WWC1: variants seen among roughly 807,000 people sequenced by gnomAD.
WWC1 encodes the protein WW and C2 domain containing 1.
In WWC1, 55 loss-of-function variants were observed where a neutral mutation model predicts 138.4. That is an observed-to-expected ratio of 0.40 (90% CI 0.32 to 0.50). WWC1 has a LOEUF of 0.50. Ranked by LOEUF, WWC1 falls within the 20% of genes least tolerant of loss-of-function variation. WWC1 has a pLI of 0.72. For synonymous variants in WWC1, 524 were observed against 564.9 expected (o/e 0.93, Z 1.03); for missense variants, 1,226 against 1,420.4 (o/e 0.86, Z 2.20).
rs199520020 is a variant in WWC1 at position 168,308,351 on chromosome 5, G to GA, written c.119+16084dup. Among the ~76,000 whole-genome samples, 777 of 152,336 alleles carry GA rather than the reference G, an allele frequency of 5.1e-3. 4 individuals carry two copies. Among genetic ancestry groups the GA allele is most frequent in the African/African-American group, 0.018 (735 of 41,580 alleles). ...AGGAAAATCAGAGCATGCTGGATTG[G>GA]AAAATAACAGGCCTTGTCACTGGCT... On this transcript the variant is annotated intron_variant, in intron 1 of 22. Coordinates refer to ENST00000265293, the MANE Select transcript of WWC1 (RefSeq NM_015238.3).
chr5:168,338,611 C>G (rs1201842636), intron 1 of WWC1, among the ~76,000 whole-genome samples: 1 of 151,954 alleles, frequency 6.6e-6, no homozygotes, highest in African/African-American at 2.4e-5. Context: ...GGGGGTTTCT[C>G]CATGTTGGTC....
At chr5:168,381,009 A>G (rs931745902) in intron 2 of WWC1, among the ~76,000 whole-genome samples, 2 of 152,136 alleles carry the variant, frequency 1.3e-5, no homozygotes. Context: ...GGTAAAGGAA[A>G]TACTCTCAGA....
intron 1 of WWC1, among the ~76,000 whole-genome samples, chr5:168,336,746 C>T (rs1214471521): frequency 5.3e-5 from 8 of 152,106 alleles, no homozygotes; most frequent in Admixed American, 5.2e-4. Flanking sequence ...GGTATTGTCA[C>T]TCACTGGGAA....
rs1458933642 is a variant in WWC1, at chr5:168,470,780, GCCATTGACT to G, written c.*1767_*1775del. 6.6e-6 allele frequency: 1 copy of G among 152,004 alleles called. No homozygotes were observed. The highest frequency in any genetic ancestry group is 1.5e-5 in the Non-Finnish European group (1 of 68,094). 9.4% of individuals were successfully genotyped at this position (152,004 alleles called of 1,614,324 possible). On this transcript the variant is annotated 3_prime_UTR_variant, in exon 23 of 23. Transcript: ENST00000265293. Reference sequence around the variant, plus strand: ...GGAGGTTGCGGTGAGCCGAGATGGCGCCATTGACTCCAGCCTGGGCAACAAGAGCGTAAC... The same window carrying G: ...GGAGGTTGCGGTGAGCCGAGATGGCGCCAGCCTGGGCAACAAGAGCGTAAC...
At position 168,462,310 on chromosome 5, in the gene WWC1, G is replaced by A. The variant is rs1756889203; in HGVS notation, c.2916+1568G>A. Among the ~76,000 whole-genome samples, 4 of 152,144 alleles carry A rather than the reference G, an allele frequency of 2.6e-5. No homozygotes were observed. In the South Asian group the frequency reaches 8.3e-4, roughly 31 times the overall value. ...AGAGTGTGCGGGTGTGGGAGAAAGT[G>A]GACATGGCCTCAGGTGACAGGGACA... is the stretch of plus-strand genomic sequence containing the variant. On this transcript the variant is annotated intron_variant, in intron 20 of 22. Transcript: ENST00000265293.
rs1779025090 is a variant in WWC1, at chr5:168,397,925, C to T, written c.510+125C>T. 1.8e-5 allele frequency: 17 copies of T among 968,324 alleles called. No individual in the cohort carries two copies. In the South Asian group the frequency reaches 2.3e-4, roughly 13 times the overall value. The allele number at this position is 968,324 out of a possible 1,614,324, so 60.0% of individuals were successfully genotyped here. On this transcript the variant is annotated intron_variant, in intron 4 of 22. Transcript: ENST00000265293. The stretch of plus-strand genomic sequence containing the variant: ...CTATGACAGCCAGTGCTAGCAAGGT[C>T]CTAAATAATAACAGTAGAAGCGGTA...
chr5:168,340,040 CT>C (rs1486274783), intron 1 of WWC1, among the ~76,000 whole-genome samples: 9 of 135,516 alleles, frequency 6.6e-5, no homozygotes, highest in African/African-American at 2.4e-4. Context: ...TCTTTCCTTT[CT>C]TTTCTTTCTT....
At chr5:168,427,255 T>C (rs1781573171) in intron 11 of WWC1, among the ~76,000 whole-genome samples, 1 of 152,172 alleles carries the variant, frequency 6.6e-6, no homozygotes, top group African/African-American at 2.4e-5. Context: ...ATAAGGATAG[T>C]TGTAATGAGT....
Position 168,469,223 on chromosome 5 carries a change from A to C in WWC1, c.*206A>C. The C allele has an allele frequency of 1.8e-6, 1 of 554,474 alleles. No individual in the cohort carries two copies. Among genetic ancestry groups the C allele is most frequent in the Non-Finnish European group, 3.2e-6 (1 of 310,374 alleles). 34.3% of individuals were successfully genotyped at this position (554,474 alleles called of 1,614,324 possible). Reference sequence around the variant, plus strand: ...AAACAAAACACACACACACACAAAAACAGAAACAAAAAAAACCAGCATTAA... The same window carrying C: ...AAACAAAACACACACACACACAAAACCAGAAACAAAAAAAACCAGCATTAA... On this transcript the variant is annotated 3_prime_UTR_variant, in exon 23 of 23. Coordinates refer to ENST00000265293, the MANE Select transcript of WWC1 (RefSeq NM_015238.3).
intron 3 of WWC1, among the ~76,000 whole-genome samples, chr5:168,387,926 A>G (rs1022470561): frequency 6.6e-6 from 1 of 152,154 alleles, no homozygotes; most frequent in East Asian, 1.9e-4. Flanking sequence ...CTCTCTCTCT[A>G]AAGTCCCACA....
chr5:168,449,622 A>G (rs6898584), intron 17 of WWC1, among the ~76,000 whole-genome samples: 25,762 of 136,092 alleles, frequency 0.19, 2,357 homozygotes, highest in Middle Eastern at 0.25. Context: ...TGCCCAGGCT[A>G]GAGTGCAATG....
At chr5:168,388,166 T>G (rs1778186572) in intron 3 of WWC1, among the ~76,000 whole-genome samples, 1 of 152,218 alleles carries the variant, frequency 6.6e-6, no homozygotes, top group Non-Finnish European at 1.5e-5. Flanking sequence ...ATCAATGCCT[T>G]CTGACGTGAT....
chr5:168,372,669 A>C (rs1582072050), intron 2 of WWC1, among the ~76,000 whole-genome samples: 1 of 152,294 alleles, frequency 6.6e-6, no homozygotes, highest in African/African-American at 2.4e-5. Context: ...TCACAGCTAA[A>C]ATGTGGCAGG....
intron 1 of WWC1, among the ~76,000 whole-genome samples, chr5:168,346,625 CA>C (rs1774499556): frequency 6.6e-6 from 1 of 152,164 alleles, no homozygotes; most frequent in Non-Finnish European, 1.5e-5. Flanking sequence ...TGACTAGGAG[CA>C]GAGGAATTCA....
intron 5 of WWC1, among the ~76,000 whole-genome samples, chr5:168,403,740 G>A (rs1779565621): frequency 6.6e-6 from 1 of 152,106 alleles, no homozygotes; most frequent in Non-Finnish European, 1.5e-5. Context: ...CAGGCAGGAG[G>A]TGTCTGGACA....
At position 168,394,928 on chromosome 5, in the gene WWC1, G is replaced by A. The variant is rs983139606; in HGVS notation, c.434-2796G>A. ...TCAATCAAACATTTACTTACAAAAG[G>A]ATAAGTAGCAGGCTACATCTTGTGT... On this transcript the variant is annotated intron_variant, in intron 3 of 22. Transcript: ENST00000265293. Among the ~76,000 whole-genome samples the A allele has an allele frequency of 5.9e-5, 9 of 152,278 alleles. No individual in the cohort carries two copies. The East Asian group carries it at 1.5e-3, about 26-fold the overall frequency.
At chr5:168,460,992 C>T (rs1756755982) in intron 20 of WWC1, among the ~76,000 whole-genome samples, 6 of 152,116 alleles carry the variant, frequency 3.9e-5, no homozygotes, top group Admixed American at 3.9e-4. Flanking sequence ...GGAGTGTGTA[C>T]ACTTGGCCTT....
chr5:168,458,647 T>A (rs1189602218), intron 19 of WWC1, among the ~76,000 whole-genome samples: 1 of 152,212 alleles, frequency 6.6e-6, no homozygotes, highest in East Asian at 1.9e-4. Context: ...CAGCCCATCC[T>A]AAATTCTCAT....
chr5:168,297,707 C>T (rs927247697), intron 1 of WWC1, among the ~76,000 whole-genome samples: 1 of 151,612 alleles, frequency 6.6e-6, no homozygotes, highest in Non-Finnish European at 1.5e-5. Context: ...AAATGCCAAC[C>T]TCGAGTCTAG....
Sources: allele counts gnomAD v4.1 joint callset (sites outside exome capture counted in the v4.1 genomes callset), GRCh38; gene constraint gnomAD v4.1.1; transcripts MANE v1.5; gene names NCBI Gene and HGNC (gene_info 2026-07-23, HGNC 2026-07-21).